The following NR3C1 variants were observed in gnomAD, a reference collection of about 807,000 sequenced individuals.
NR3C1 encodes glucocorticoid receptor.
A neutral mutation model predicts 74.0 loss-of-function variants in NR3C1; 14 were observed. The observed-to-expected ratio is 0.19, with a 90% confidence interval of 0.12 to 0.30. The LOEUF (loss-of-function observed/expected upper bound fraction) is 0.30. NR3C1 is among the 10% of genes least tolerant of loss of function. The pLI, the probability that NR3C1 is intolerant of heterozygous loss-of-function variation, is 1.00. For synonymous variants in NR3C1, 308 were observed against 332.5 expected, an observed-to-expected ratio of 0.93 and a Z score of 0.80; for missense variants, 695 against 909.8, an observed-to-expected ratio of 0.76 and a Z score of 3.04.
intron 2 of NR3C1, among the ~76,000 whole-genome samples, chr5:143,381,662 C>A: frequency 6.6e-6 from 1 of 152,100 alleles, no homozygotes. Flanking sequence ...AGCAAAGGTG[C>A]CAAGAACATA....
At chr5:143,332,666 A>C (rs1325982345) in intron 2 of NR3C1, 5 of 1,579,218 alleles carry the variant, frequency 3.2e-6, no homozygotes, top group Non-Finnish European at 4.3e-6. Context: ...AATCATTCCT[A>C]CATGATTCCT....
In NR3C1 at chr5:143,279,135, T is replaced by C; in HGVS notation, c.*2754A>G. On this transcript the variant is annotated 3_prime_UTR_variant, in exon 9 of 9. Transcript: ENST00000394464. The stretch of plus-strand genomic sequence containing the variant: ...ACATACATAGGAAATAAATCTGCTT[T>C]CAAACAGCACCACCATATAGCACTT... The C allele has an allele frequency of 5.8e-6, 3 of 515,518 alleles. No individual in the cohort carries two copies. The highest frequency in any genetic ancestry group is 5.7e-5 in the South Asian group (2 of 34,912). The allele number at this position is 515,518 out of a possible 1,614,324, so 31.9% of individuals were successfully genotyped here. A position where few individuals can be genotyped will look rare whatever the true frequency, so the allele number is the denominator to read the frequency against.
At chr5:143,373,574 C>T (rs1394578813) in intron 2 of NR3C1, among the ~76,000 whole-genome samples, 5 of 151,806 alleles carry the variant, frequency 3.3e-5, no homozygotes, top group Admixed American at 3.3e-4. Flanking sequence ...AACAAACCTG[C>T]ACGTTGTGCA....
chr5:143,310,800 G>A (rs1488221882), intron 3 of NR3C1, among the ~76,000 whole-genome samples: 1 of 152,110 alleles, frequency 6.6e-6, no homozygotes, highest in African/African-American at 2.4e-5. Context: ...TGGGATTACA[G>A]GTGCACGCCA....
chr5:143,403,747 C>A (rs1840808896), upstream of NR3C1: 1 of 984,952 alleles, frequency 1.0e-6, no homozygotes, highest in Non-Finnish European at 1.2e-6. Context: ...CGCTCCCCGC[C>A]CGAGGGGCCG....
chr5:143,416,003 A>T (rs1179886199), intron 1 of NR3C1, among the ~76,000 whole-genome samples: 2 of 152,130 alleles, frequency 1.3e-5, no homozygotes, highest in Non-Finnish European at 2.9e-5. Context: ...ATCCATCCTT[A>T]TGTTAAATGC....
chr5:143,407,784 C>A (rs1015989984), upstream of NR3C1, among the ~76,000 whole-genome samples: 5 of 152,140 alleles, frequency 3.3e-5, no homozygotes, highest in Non-Finnish European at 5.9e-5. Context: ...CTAAAATAAT[C>A]CAAGCTGTAC....
intron 2 of NR3C1, among the ~76,000 whole-genome samples, chr5:143,372,728 T>C (rs1381322687): frequency 6.6e-6 from 1 of 152,200 alleles, no homozygotes; most frequent in Non-Finnish European, 1.5e-5. Context: ...AGGCTAAAAC[T>C]GACCCACAAC....
At chr5:143,393,498 T>C (rs1838665233) in intron 2 of NR3C1, among the ~76,000 whole-genome samples, 1 of 152,102 alleles carries the variant, frequency 6.6e-6, no homozygotes, top group Non-Finnish European at 1.5e-5. Flanking sequence ...TTTTCTTCTG[T>C]TTCTACTACT....
chr5:143,297,252 T>TGATTAG (rs935872144), intron 6 of NR3C1, among the ~76,000 whole-genome samples: 8 of 152,142 alleles, frequency 5.3e-5, no homozygotes, highest in African/African-American at 2.4e-5. Flanking sequence ...GTATGTGGCA[T>TGATTAG]GATTAGATTT....
At chr5:143,375,563 C>T (rs1395635077) in intron 2 of NR3C1, 1 of 152,236 alleles carries the variant, frequency 6.6e-6, no homozygotes, top group East Asian at 1.9e-4. Context: ...ATATCACACA[C>T]ATTCATGCTG....
At chr5:143,402,571 G>T in intron 1 of NR3C1, 3 of 983,940 alleles carry the variant, frequency 3.0e-6, no homozygotes, top group Non-Finnish European at 3.6e-6. Flanking sequence ...AGAGAAAAAA[G>T]TGCGAGGTTA....
Position 143,400,257 on chromosome 5 carries a change from G to C in NR3C1, c.583C>G (p.Gln195Glu). 1 of 1,597,094 alleles carries C rather than the reference G, an allele frequency of 6.3e-7. No homozygotes were observed. Among genetic ancestry groups the C allele is most frequent in the East Asian group, 2.2e-5 (1 of 44,744 alleles). The change falls in exon 2 of 9, where the codon CAG (glutamine) becomes GAG (glutamate). Residue 195 changes from glutamine (Q) to glutamate (E), a missense_variant. By Grantham distance (29) the Gln-to-Glu change is conservative. This residue lies in a region of NR3C1 where 497 missense variants were observed against 489.5 expected (regional missense o/e 1.02). Coordinates refer to ENST00000394464, the MANE Select transcript of NR3C1 (RefSeq NM_000176.3). ...GACCCAGAAGAAAACTCCAAATCCT[G>C]CAAAATGTCAAAGGTGCTTTGGTCT... ...TTDQSTFDIL[Q>E]DLEFSSGSPG...
At chr5:143,291,478 C>G (rs2151514037) in intron 7 of NR3C1, among the ~76,000 whole-genome samples, 1 of 152,130 alleles carries the variant, frequency 6.6e-6, no homozygotes, top group South Asian at 2.1e-4. Flanking sequence ...CCTGCCTCAG[C>G]CTCCCAAAGT....
upstream of NR3C1, chr5:143,404,211 C>G (rs1009575390): frequency 2.0e-6 from 2 of 985,322 alleles, no homozygotes; most frequent in African/African-American, 3.5e-5. Flanking sequence ...CGCGCCGCCG[C>G]CGCCGGGCCG....
chr5:143,324,092 C>G (rs1824022017), intron 2 of NR3C1, among the ~76,000 whole-genome samples: 1 of 152,204 alleles, frequency 6.6e-6, no homozygotes, highest in Non-Finnish European at 1.5e-5. Flanking sequence ...GTTGGTGGAT[C>G]TACCATTCTG....
intron 1 of NR3C1, among the ~76,000 whole-genome samples, chr5:143,428,965 A>T (rs1265443450): frequency 2.0e-5 from 3 of 152,180 alleles, no homozygotes; most frequent in African/African-American, 4.8e-5. Context: ...TTTTGATTAA[A>T]GTTACTTTCA....
Position 143,281,789 on chromosome 5 carries a change from AAAAAT to A in NR3C1, c.*95_*99del. 7.6e-7 allele frequency: 1 copy of A among 1,315,850 alleles called. No individual in the cohort carries two copies. The highest frequency in any genetic ancestry group is 1.2e-5 in the South Asian group (1 of 80,952). The allele number at this position is 1,315,850 out of a possible 1,614,324, so 81.5% of individuals were successfully genotyped here. A position where few individuals can be genotyped will look rare whatever the true frequency, so the allele number is the denominator to read the frequency against. ...AACAAAACAACAGATGAAAACAATA[AAAAAT>A]AAAACAACAAAACCTCTACAGGACA... On this transcript the variant is annotated 3_prime_UTR_variant, in exon 9 of 9. Coordinates refer to ENST00000394464, the MANE Select transcript of NR3C1 (RefSeq NM_000176.3).
upstream of NR3C1, chr5:143,403,711 A>G: frequency 1.0e-6 from 1 of 985,180 alleles, no homozygotes; most frequent in Non-Finnish European, 1.2e-6. Context: ...ACACTCGCAC[A>G]CACGCGCTCC....
Sources: gnomAD v4.1 joint callset for allele counts (sites outside exome capture counted in the v4.1 genomes callset) on GRCh38, gnomAD v4.1.1 for gene constraint, gnomAD v4.1.1 regional missense constraint, MANE v1.5 for transcripts, NCBI Gene and HGNC (gene_info 2026-07-23, HGNC 2026-07-21) for gene names.